The following DLGAP1 variants were observed in gnomAD, a reference collection of about 807,000 sequenced individuals.
The protein encoded by DLGAP1 is disks large-associated protein 1.
In DLGAP1, 11 loss-of-function variants were observed where a neutral mutation model predicts 90.8. That is an observed-to-expected ratio of 0.12 (90% CI 0.08 to 0.20). The LOEUF is 0.20. DLGAP1 is among the 10% of genes least tolerant of loss of function. The pLI is 1.00. For synonymous variants in DLGAP1, 558 were observed against 540.7 expected (o/e 1.03, Z -0.44); for missense variants, 1,050 against 1,333.8 (o/e 0.79, Z 3.31).
chr18:3,600,723 G>GCT (rs1467639167), intron 7 of DLGAP1, among the ~76,000 whole-genome samples: 2 of 17,984 alleles, frequency 1.1e-4, no homozygotes, highest in African/African-American at 4.6e-4. Flanking sequence ...TAGATATAGA[G>GCT]ATATAGATAT....
chr18:4,315,283 TTGA>T (rs2143514917), intron 1 of DLGAP1, among the ~76,000 whole-genome samples: 1 of 152,288 alleles, frequency 6.6e-6, no homozygotes, highest in South Asian at 2.1e-4. Flanking sequence ...AGGATGTAAA[TTGA>T]TTATTATTGT....
chr18:3,911,335 C>G (rs1223929405), intron 3 of DLGAP1, among the ~76,000 whole-genome samples: 3 of 151,956 alleles, frequency 2.0e-5, no homozygotes, highest in Non-Finnish European at 4.4e-5. Context: ...TTAAATAAAC[C>G]CTTTTTCTGA....
chr18:3,501,723 A>T (rs2049942439), intron 12 of DLGAP1, among the ~76,000 whole-genome samples: 1 of 152,180 alleles, frequency 6.6e-6, no homozygotes, highest in Non-Finnish European at 1.5e-5. Flanking sequence ...ATTTGACCTG[A>T]GGCCATAGGA....
At chr18:4,204,419 T>C (rs936900248) in intron 1 of DLGAP1, among the ~76,000 whole-genome samples, 5 of 152,174 alleles carry the variant, frequency 3.3e-5, no homozygotes, top group Non-Finnish European at 5.9e-5. Flanking sequence ...TTCAAAAATA[T>C]CATTAATTCA....
chr18:3,745,177 C>T (rs35920528), intron 5 of DLGAP1, among the ~76,000 whole-genome samples: 60,011 of 151,894 alleles, frequency 0.4, 13,539 homozygotes, highest in African/African-American at 0.62. Context: ...TAGAGCTGGG[C>T]GGGGAAAGCA....
At chr18:3,581,247 C>G (rs532265999) in intron 8 of DLGAP1, among the ~76,000 whole-genome samples, 4 of 152,292 alleles carry the variant, frequency 2.6e-5, no homozygotes, top group Admixed American at 2.6e-4. Context: ...AGAGCTCTGC[C>G]TAGTCTGGTT....
intron 2 of DLGAP1, among the ~76,000 whole-genome samples, chr18:4,115,317 T>C (rs891236837): frequency 6.8e-6 from 1 of 147,802 alleles, no homozygotes; most frequent in Non-Finnish European, 1.5e-5. Context: ...TACATTGTTA[T>C]AATTTTACAT....
chr18:4,448,401 C>T (rs926426089), intron 1 of DLGAP1, among the ~76,000 whole-genome samples: 2 of 151,964 alleles, frequency 1.3e-5, no homozygotes, highest in African/African-American at 4.8e-5. Flanking sequence ...TTTTGTTTGC[C>T]CATACTTGGA....
chr18:3,942,851 T>C (rs2072797337), intron 3 of DLGAP1, among the ~76,000 whole-genome samples: 1 of 152,320 alleles, frequency 6.6e-6, no homozygotes, highest in African/African-American at 2.4e-5. Flanking sequence ...TTTTCTGCTA[T>C]GGATATACCG....
intron 2 of DLGAP1, among the ~76,000 whole-genome samples, chr18:4,007,016 T>C (rs1342154739): frequency 6.6e-6 from 1 of 152,142 alleles, no homozygotes; most frequent in Admixed American, 6.5e-5. Context: ...ACAGTAATTG[T>C]ATAGAAATAG....
chr18:3,966,866 T>A (rs1206252969), intron 3 of DLGAP1, among the ~76,000 whole-genome samples: 1 of 152,124 alleles, frequency 6.6e-6, no homozygotes, highest in Non-Finnish European at 1.5e-5. Flanking sequence ...GTTGATGTTA[T>A]CTGAAACCTT....
At chr18:3,712,235 A>G (rs750686098) in intron 7 of DLGAP1, among the ~76,000 whole-genome samples, 8 of 152,220 alleles carry the variant, frequency 5.3e-5, no homozygotes, top group Admixed American at 2.0e-4. Context: ...GGTGGAAAAC[A>G]GCCTGGACTG....
At chr18:4,228,075 G>T (rs1056371357) in intron 1 of DLGAP1, among the ~76,000 whole-genome samples, 1 of 151,390 alleles carries the variant, frequency 6.6e-6, no homozygotes. Context: ...ATGAGTAACT[G>T]TCAGGCAATA....
chr18:3,715,603 C>T (rs2061736006), intron 7 of DLGAP1, among the ~76,000 whole-genome samples: 2 of 152,142 alleles, frequency 1.3e-5, no homozygotes, highest in African/African-American at 4.8e-5. Flanking sequence ...TTCCTATTTT[C>T]GAGAGCACTT....
At chr18:3,508,713 A>G (rs568914787) in intron 10 of DLGAP1, 52 bp from the exon 11 acceptor site, 3 of 1,457,230 alleles carry the variant, frequency 2.1e-6, no homozygotes, top group African/African-American at 2.8e-5. Context: ...CATTGTTGAG[A>G]TTTAGTCTGG....
At chr18:3,508,452 A>G in intron 11 of DLGAP1, 118 bp downstream of exon 11, 1 of 470,462 alleles carries the variant, frequency 2.1e-6, no homozygotes, top group Non-Finnish European at 3.6e-6. Context: ...TCCAAGTGAG[A>G]GACTCCAATG....
At chr18:4,018,207 T>C (rs1184501430) in intron 2 of DLGAP1, among the ~76,000 whole-genome samples, 1 of 152,172 alleles carries the variant, frequency 6.6e-6, no homozygotes, top group African/African-American at 2.4e-5. Flanking sequence ...TCCACTGGGA[T>C]GTGCTCTGGG....
chr18:4,095,971 T>C (rs887994460), intron 2 of DLGAP1, among the ~76,000 whole-genome samples: 2 of 152,186 alleles, frequency 1.3e-5, no homozygotes, highest in Non-Finnish European at 2.9e-5. Flanking sequence ...TACCTGAAAC[T>C]GCCTGAGATG....
chr18:3,792,975 C>T (rs550392563), intron 5 of DLGAP1, among the ~76,000 whole-genome samples: 66 of 152,272 alleles, frequency 4.3e-4, no homozygotes, highest in African/African-American at 1.6e-3. Flanking sequence ...TTTGCCCAAC[C>T]CCATTGAGCC....
Sources: allele counts gnomAD v4.1 joint callset (sites outside exome capture counted in the v4.1 genomes callset), GRCh38; gene constraint gnomAD v4.1.1; transcripts MANE v1.5; gene names NCBI Gene and HGNC (gene_info 2026-07-23, HGNC 2026-07-21).